Variants in ITGA10 observed in about 807,000 individuals in gnomAD.
ITGA10 encodes integrin subunit alpha 10.
A neutral mutation model predicts 145.2 loss-of-function variants in ITGA10; 105 were observed. That is an observed-to-expected ratio of 0.72 (90% CI 0.62 to 0.85). The LOEUF is 0.85. Among genes scored for constraint, ITGA10 ranks in the 40% least tolerant of loss-of-function variants. The pLI, the probability that ITGA10 is intolerant of heterozygous loss-of-function variation, is 0.00. For synonymous variants in ITGA10, 506 were observed against 557.8 expected (o/e 0.91, Z 1.31); for missense variants, 1,317 against 1,444.5 (o/e 0.91, Z 1.43).
At chr1:145,897,201 C>T (rs1553745492) in intron 21 of ITGA10, 46 bp downstream of exon 21, 4 of 1,595,494 alleles carry the variant, frequency 2.5e-6, no homozygotes, top group East Asian at 2.2e-5. Flanking sequence ...CAGATCCCAG[C>T]CTCTGCCCTC....
At chr1:145,905,831 G>A (rs1292501386) in intron 5 of ITGA10, 2 of 152,874 alleles carry the variant, frequency 1.3e-5, no homozygotes, top group African/African-American at 4.8e-5. Context: ...CAATCCTCCT[G>A]CGTTGGCCTC....
rs1256315017 is a variant in ITGA10, at chr1:145,903,012, CACACACACACAT to C, written c.759-63_759-52del. The C allele has an allele frequency of 2.2e-4, 192 of 867,924 alleles. 2 individuals are homozygous for C. The highest frequency in any genetic ancestry group is 1.2e-3 in the African/African-American group (59 of 49,362). 53.8% of individuals were successfully genotyped at this position (867,924 alleles called of 1,614,324 possible). On this transcript the variant is annotated intron_variant, in intron 7 of 29. Transcript: ENST00000369304. ...GATCAGATGTATGCAGACACACACA[CACACACACACAT>C]ACACACACACACACACACACACACA...
chr1:145,893,379 C>G, intron 28 of ITGA10, 105 bp from the exon 29 acceptor site: 4 of 981,790 alleles, frequency 4.1e-6, no homozygotes, highest in Non-Finnish European at 6.4e-6. Flanking sequence ...TAACCTCCTG[C>G]TACTTAAAGG....
rs782614723 is a variant in ITGA10 at position 145,902,069 on chromosome 1, A to ACG, written c.1150-49_1150-48insCG. On this transcript the variant is annotated intron_variant, in intron 10 of 29. Coordinates refer to ENST00000369304, the MANE Select transcript of ITGA10 (RefSeq NM_003637.5). ...GTCACTGAGAAGACAGTGGGGAATAAAGAGAAAAAAAACGTTCCAGGAGTG... is the reference window on the plus strand; with the variant it reads ...GTCACTGAGAAGACAGTGGGGAATAACGAGAGAAAAAAAACGTTCCAGGAGTG... 5 of 1,590,590 alleles carry ACG rather than the reference A, an allele frequency of 3.1e-6. No homozygotes were observed. In the Admixed American group the frequency reaches 7.0e-5, roughly 22 times the overall value.
chr1:145,897,694 G>A (rs1553745764), intron 19 of ITGA10, 41 bp from the exon 20 acceptor site: 4 of 1,613,610 alleles, frequency 2.5e-6, no homozygotes, highest in Admixed American at 1.7e-5. Flanking sequence ...AGTTGAAGGA[G>A]GGGAGTGCCA....
intron 7 of ITGA10, 145 bp from the exon 8 acceptor site, chr1:145,903,106 G>C (rs1320648470): frequency 4.1e-6 from 3 of 725,366 alleles, no homozygotes; most frequent in Middle Eastern, 3.1e-4. Flanking sequence ...CAGGCATCTT[G>C]CCTTTTAGGC....
At chr1:145,896,402 C>T (rs372210643) in intron 23 of ITGA10, 50 bp from the exon 24 acceptor site, 2 of 1,378,900 alleles carry the variant, frequency 1.5e-6, no homozygotes, top group Non-Finnish European at 2.1e-6. Flanking sequence ...ATAACACAGA[C>T]ACAGGGGCAC....
At chr1:145,893,910 C>T (rs587721792) in intron 27 of ITGA10, among the ~76,000 whole-genome samples, 2 of 151,762 alleles carry the variant, frequency 1.3e-5, no homozygotes, top group East Asian at 1.9e-4. Flanking sequence ...TTTGGCTGAC[C>T]TCTACCCCTC....
In ITGA10 at chr1:145,892,667, A is replaced by G; in HGVS notation, c.*131T>C. 1 of 680,330 alleles carries G rather than the reference A, an allele frequency of 1.5e-6. No individual in the cohort carries two copies. The highest frequency in any genetic ancestry group is 2.6e-6 in the Non-Finnish European group (1 of 386,006). The allele number at this position is 680,330 out of a possible 1,614,324, so 42.1% of individuals were successfully genotyped here. A position where few individuals can be genotyped will look rare whatever the true frequency, so the allele number is the denominator to read the frequency against. On this transcript the variant is annotated 3_prime_UTR_variant, in exon 30 of 30. Coordinates refer to ENST00000369304, the MANE Select transcript of ITGA10 (RefSeq NM_003637.5). ...CAGCATCCCTAGGACTCAAAAGTCA[A>G]GTCAGGCTGCTGGTCTGGGGAGATA... is the stretch of plus-strand genomic sequence containing the variant.
Position 145,901,484 on chromosome 1 carries a change from C to A in ITGA10, c.1443+32G>T. On this transcript the variant is annotated intron_variant, in intron 12 of 29. Coordinates refer to ENST00000369304, the MANE Select transcript of ITGA10 (RefSeq NM_003637.5). The surrounding 1 kb of genome is among the most constrained non-coding windows in gnomAD (Gnocchi z 4.3). Reference sequence around the variant, plus strand: ...CAACAGCCCAGAGGTCCCTGGGAATCCAAAGGTCCCACCCTTCCTTGGATG... The same window carrying A: ...CAACAGCCCAGAGGTCCCTGGGAATACAAAGGTCCCACCCTTCCTTGGATG... 6.5e-7 allele frequency: 1 copy of A among 1,536,642 alleles called. No individual in the cohort carries two copies. Among genetic ancestry groups the A allele is most frequent in the South Asian group, 1.3e-5 (1 of 78,656 alleles).
chr1:145,893,091 T>G (rs1390466100), intron 29 of ITGA10, 70 bp downstream of exon 29: 3 of 1,220,066 alleles, frequency 2.5e-6, no homozygotes, highest in Non-Finnish European at 3.7e-6. Flanking sequence ...TCCTGTTCTC[T>G]CTGCTATAAT....
In ITGA10 at chr1:145,897,493, C is replaced by A. The variant is rs1553745653; in HGVS notation, c.2574+19G>T. ...TCCTCCTTTCTTTCCTTCTCCCACA[C>A]CCCCTCCTCCAAAGGCACCTGAGGA... On this transcript the variant is annotated intron_variant, in intron 20 of 29. Coordinates refer to ENST00000369304, the MANE Select transcript of ITGA10 (RefSeq NM_003637.5). The A allele has an allele frequency of 3.7e-6, 6 of 1,613,272 alleles. No homozygotes were observed. The South Asian group carries it at 4.4e-5, about 12-fold the overall frequency.
intron 6 of ITGA10, 126 bp downstream of exon 6, chr1:145,904,558 A>T (rs1656851615): frequency 5.1e-6 from 5 of 988,850 alleles, no homozygotes; most frequent in East Asian, 4.9e-5. Flanking sequence ...TCATATTTTT[A>T]GAGATGAGGT....
intron 28 of ITGA10, 102 bp downstream of exon 28, chr1:145,893,438 G>T: frequency 1.0e-6 from 1 of 992,952 alleles, no homozygotes; most frequent in Non-Finnish European, 1.6e-6. Context: ...GGATCCTGCT[G>T]CCTGATGGAG....
chr1:145,894,403 C>T (rs1040739142), intron 27 of ITGA10, among the ~76,000 whole-genome samples: 1 of 152,106 alleles, frequency 6.6e-6, no homozygotes, highest in Admixed American at 6.5e-5. Flanking sequence ...AGCCACCGCG[C>T]CCGGCCATGT....
chr1:145,908,662 C>T, intron 1 of ITGA10, among the ~76,000 whole-genome samples: 1 of 152,328 alleles, frequency 6.6e-6, no homozygotes, highest in East Asian at 1.9e-4. Flanking sequence ...ATGTCTTGCT[C>T]TGTACTTCTA....
At chr1:145,903,028 C>CAG (rs1321343356) in intron 7 of ITGA10, 67 bp from the exon 8 acceptor site, 1 of 338,092 alleles carries the variant, frequency 3.0e-6, no homozygotes, top group East Asian at 7.8e-5. Flanking sequence ...CACACATACA[C>CAG]ACACACACAC....
chr1:145,896,081 A>G lies in ITGA10; in HGVS notation c.2935T>C (p.Cys979Arg). ...KTTLRVQNLG[C>R]YVVSGLIISA... is the part of the protein sequence containing the mutation. ...ATGATGAGGCCACTGACCACATAGC[A>G]GCCTAGGTTCTGAACCTAAGAGGAA... The change falls in exon 25 of 30, where the codon TGC becomes CGC. Residue 979 changes from cysteine (C) to arginine (R), a missense_variant. Physicochemically the swap from Cys to Arg is radical, Grantham distance 180. Coordinates refer to ENST00000369304, the MANE Select transcript of ITGA10 (RefSeq NM_003637.5). 6.2e-7 allele frequency: 1 copy of G among 1,614,148 alleles called. No homozygotes were observed. The highest frequency in any genetic ancestry group is 8.5e-7 in the Non-Finnish European group (1 of 1,179,978).
At chr1:145,893,729 G>C (rs1655007984) in intron 27 of ITGA10, 94 bp from the exon 28 acceptor site, 2 of 926,238 alleles carry the variant, frequency 2.2e-6, no homozygotes, top group Non-Finnish European at 3.4e-6. Context: ...AGGCTGAGAG[G>C]CATAATGTTG....
Sources: gnomAD v4.1 joint callset for allele counts (sites outside exome capture counted in the v4.1 genomes callset) on GRCh38, gnomAD v4.1.1 for gene constraint, Gnocchi (gnomAD v3.1) non-coding constraint, MANE v1.5 for transcripts, NCBI Gene and HGNC (gene_info 2026-07-23, HGNC 2026-07-21) for gene names.